The following ENDOV variants were observed in gnomAD, a reference collection of about 807,000 sequenced individuals.
ENDOV encodes endonuclease V.
In ENDOV, 37 loss-of-function variants were observed where a neutral mutation model predicts 39.4. That is an observed-to-expected ratio of 0.94 (90% CI 0.72 to 1.23). ENDOV has a LOEUF of 1.23. Ranked by LOEUF, ENDOV falls within the 50% of genes most tolerant of loss-of-function variation. The pLI, the probability that ENDOV is intolerant of heterozygous loss-of-function variation, is 0.00. For synonymous variants in ENDOV, 186 were observed against 163.4 expected, an observed-to-expected ratio of 1.14 and a Z score of -1.05; for missense variants, 441 against 375.7, an observed-to-expected ratio of 1.17 and a Z score of -1.44.
At chr17:80,433,603 G>A (rs997193912) in intron 9 of ENDOV, among the ~76,000 whole-genome samples, 3 of 152,236 alleles carry the variant, frequency 2.0e-5, no homozygotes, top group Non-Finnish European at 2.9e-5. Flanking sequence ...CCAGGGGGCC[G>A]GGAGACTCAG....
intron 2 of ENDOV, 38 bp downstream of exon 2, chr17:80,415,859 CGGT>C (rs1424113475): frequency 2.6e-6 from 4 of 1,559,480 alleles, no homozygotes; most frequent in Non-Finnish European, 2.6e-6. Flanking sequence ...GCGGGCCCCT[CGGT>C]GGGCTCGGGC....
intron 9 of ENDOV, 110 bp downstream of exon 9, chr17:80,429,941 T>C: frequency 6.3e-7 from 1 of 1,590,842 alleles, no homozygotes; most frequent in Non-Finnish European, 8.5e-7. Context: ...CTGGGCACCA[T>C]GAAGACAAGA....
rs139759808 is a variant in ENDOV at position 80,419,748 on chromosome 17, G to A, written c.229-2080G>A. On this transcript the variant is annotated intron_variant, in intron 2 of 9. Transcript: ENST00000518137. The stretch of plus-strand genomic sequence containing the variant: ...CAGTGGCCCTCTGGTCATGCCCTCC[G>A]TTCACACAATCCATCTTTCCGTCTG... 2.9e-5 allele frequency: 20 copies of A among 689,380 alleles called. No individual in the cohort carries two copies. The East Asian group carries it at 3.5e-4, about 12-fold the overall frequency. The allele number at this position is 689,380 out of a possible 1,614,324, so 42.7% of individuals were successfully genotyped here. A position where few individuals can be genotyped will look rare whatever the true frequency, so the allele number is the denominator to read the frequency against.
In ENDOV at chr17:80,415,840, G is replaced by C. The variant is rs1450070217; in HGVS notation, c.228+19G>C. The C allele has an allele frequency of 1.9e-6, 3 of 1,579,000 alleles. No homozygotes were observed. The highest frequency in any genetic ancestry group is 2.6e-6 in the Non-Finnish European group (3 of 1,162,736). On this transcript the variant is annotated intron_variant, in intron 2 of 9. Coordinates refer to ENST00000518137, the MANE Select transcript of ENDOV (RefSeq NM_173627.5). The stretch of plus-strand genomic sequence containing the variant: ...GCTCGAGGTAACCTGGGAGGACGCC[G>C]AGCTCGAGGCGGGCCCCTCGGTGGG...
At chr17:80,417,698 G>T (rs1218530760) in intron 2 of ENDOV, 1 of 152,196 alleles carries the variant, frequency 6.6e-6, no homozygotes, top group African/African-American at 2.4e-5. Flanking sequence ...CATTTAGACC[G>T]TAGCAACCCT....
At chr17:80,423,492 CAA>C (rs2144967067) in intron 4 of ENDOV, 26 bp from the exon 5 acceptor site, 1 of 1,522,850 alleles carries the variant, frequency 6.6e-7, no homozygotes, top group Non-Finnish European at 8.9e-7. Context: ...CCCACCTCCC[CAA>C]CCCCACCCTC....
chr17:80,426,043 C>T lies in ENDOV; in HGVS notation c.714+423C>T, dbSNP rs565519699. Reference sequence around the variant, plus strand: ...AGGAAAGCTGTGCAGGCCCCAGAGACGCCAGTCTGGGGACTTGGGTATGCC... The same window carrying T: ...AGGAAAGCTGTGCAGGCCCCAGAGATGCCAGTCTGGGGACTTGGGTATGCC... On this transcript the variant is annotated intron_variant, in intron 7 of 9. Coordinates refer to ENST00000518137, the MANE Select transcript of ENDOV (RefSeq NM_173627.5). Among the ~76,000 whole-genome samples the T allele has an allele frequency of 5.3e-5, 8 of 152,292 alleles. No individual in the cohort carries two copies. The South Asian group carries it at 1.7e-3, about 32-fold the overall frequency.
intron 7 of ENDOV, among the ~76,000 whole-genome samples, chr17:80,426,500 A>C (rs1225758954): frequency 6.6e-6 from 1 of 151,840 alleles, no homozygotes; most frequent in Non-Finnish European, 1.5e-5. Context: ...CGTAAAAACA[A>C]ATTAGCCAAG....
At chr17:80,433,277 A>G (rs2083434701) in intron 9 of ENDOV, 1 of 515,372 alleles carries the variant, frequency 1.9e-6, no homozygotes, top group Non-Finnish European at 3.9e-6. Context: ...ATATTCCACC[A>G]GGTGAAGTGT....
chr17:80,425,122 C>T (rs1265071500), intron 6 of ENDOV, 22 bp downstream of exon 6: 5 of 1,594,690 alleles, frequency 3.1e-6, no homozygotes, highest in Non-Finnish European at 3.4e-6. Context: ...GGGCCCTGAG[C>T]TCCTCCAAAG....
intron 2 of ENDOV, among the ~76,000 whole-genome samples, chr17:80,420,865 C>T (rs547850389): frequency 3.9e-5 from 6 of 152,330 alleles, no homozygotes; most frequent in East Asian, 3.9e-4. Context: ...TTAGTAAACA[C>T]GGGGTTTCTC....
intron 7 of ENDOV, chr17:80,427,874 C>T (rs886107692): frequency 2.4e-6 from 3 of 1,242,286 alleles, no homozygotes; most frequent in Admixed American, 5.4e-5. Context: ...GCCCCGCCTA[C>T]CGCTGCCCCA....
At chr17:80,419,227 A>C (rs1330351641) in intron 2 of ENDOV, among the ~76,000 whole-genome samples, 1 of 151,460 alleles carries the variant, frequency 6.6e-6, no homozygotes, top group African/African-American at 2.4e-5. Context: ...TGGGGGAAAA[A>C]CTCTCCCAGA....
intron 9 of ENDOV, among the ~76,000 whole-genome samples, chr17:80,432,035 CAT>C (rs1349990861): frequency 6.6e-6 from 1 of 151,982 alleles, no homozygotes; most frequent in African/African-American, 2.4e-5. Flanking sequence ...GGGACAGCCA[CAT>C]GTGGGGTGCA....
chr17:80,419,227 A>G (rs1330351641), intron 2 of ENDOV, among the ~76,000 whole-genome samples: 1 of 151,460 alleles, frequency 6.6e-6, no homozygotes, highest in Non-Finnish European at 1.5e-5. Flanking sequence ...TGGGGGAAAA[A>G]CTCTCCCAGA....
chr17:80,423,476 C>T, intron 4 of ENDOV, 44 bp from the exon 5 acceptor site: 2 of 1,427,628 alleles, frequency 1.4e-6, no homozygotes, highest in Non-Finnish European at 1.9e-6. Context: ...TGTGCCAGGC[C>T]CCAGCCCCAC....
At position 80,415,758 on chromosome 17, in the gene ENDOV, C is replaced by T. The variant is rs2081036816; in HGVS notation, c.165C>T (p.Phe55=). 6.2e-7 allele frequency: 1 copy of T among 1,605,902 alleles called. No individual in the cohort carries two copies. The highest frequency in any genetic ancestry group is 8.5e-7 in the Non-Finnish European group (1 of 1,176,450). The change falls in exon 2 of 10, where the codon TTC becomes TTT. Residue 55 remains phenylalanine, a synonymous_variant. Coordinates refer to ENST00000518137, the MANE Select transcript of ENDOV (RefSeq NM_173627.5). ...GGGTCGGGGGCGTTGACGTGTCCTT[C>T]GTGAAAGGGGACAGTGTCCGCGCTT... ...LQRVGGVDVS[F]VKGDSVRACA... is the part of the protein sequence containing the mutation.
chr17:80,428,791 C>G (rs924963138), intron 8 of ENDOV, 131 bp downstream of exon 8: 12 of 835,638 alleles, frequency 1.4e-5, no homozygotes, highest in Middle Eastern at 2.4e-4. Context: ...CCAGGGAAGG[C>G]AGGGGACACA....
intron 1 of ENDOV, 180 bp from the exon 2 acceptor site, chr17:80,415,470 C>G: frequency 9.8e-7 from 1 of 1,018,366 alleles, no homozygotes; most frequent in Non-Finnish European, 1.4e-6. Context: ...CTGGCCTGCG[C>G]TTGCGCGGGT....
Sources: gnomAD v4.1 joint callset for allele counts (sites outside exome capture counted in the v4.1 genomes callset) on GRCh38, gnomAD v4.1.1 for gene constraint, MANE v1.5 for transcripts, NCBI Gene and HGNC (gene_info 2026-07-23, HGNC 2026-07-21) for gene names.